The following DNAH2 variants were observed in gnomAD, a reference collection of about 807,000 sequenced individuals.
The protein encoded by DNAH2 is dynein axonemal heavy chain 2, also known as axonemal beta dynein heavy chain 2.
Under a neutral mutation model 523.5 loss-of-function variants are expected in DNAH2, and 323 were observed. The ratio of observed to expected loss-of-function variants is 0.62; its 90% CI spans 0.56 to 0.68. The LOEUF is 0.68. Among genes scored for constraint, DNAH2 ranks in the 30% least tolerant of loss-of-function variants. The probability of loss-of-function intolerance (pLI) is 0.00; values close to 1 mark genes in which losing one functional copy is unlikely to be tolerated. For synonymous variants in DNAH2, 2,093 were observed against 2,177.4 expected (o/e 0.96, Z 1.08); for missense variants, 4,907 against 5,701.5 (o/e 0.86, Z 4.49).
chr17:7,755,074 G>A, intron 12 of DNAH2: 1 of 250,308 alleles, frequency 4.0e-6, no homozygotes, highest in African/African-American at 2.2e-5. Context: ...AAACAGGTAA[G>A]TGCATACGTT....
chr17:7,766,366 C>T lies in DNAH2; in HGVS notation c.3560C>T (p.Thr1187Ile). Residue 1187 changes from threonine to isoleucine, a missense_variant, in exon 22 of 86, where the codon ACA (threonine) becomes ATA (isoleucine). Around this residue, in one of 3 missense-constraint regions of DNAH2, gnomAD observed 2,806 missense variants for 3,190.8 expected, o/e 0.88. Coordinates refer to ENST00000572933, the MANE Select transcript of DNAH2 (RefSeq NM_020877.5). ...VGYMSALDQI[T>I]QVRAMLMAMR... The stretch of plus-strand genomic sequence containing the variant: ...TACATGTCTGCCTTAGACCAGATTA[C>T]ACAAGTGCGGGCCATGCTGATGGCC... 6.2e-7 allele frequency: 1 copy of T among 1,614,084 alleles called. No homozygotes were observed. Among genetic ancestry groups the T allele is most frequent in the South Asian group, 1.1e-5 (1 of 91,076 alleles).
Position 7,819,366 on chromosome 17 carries a change from G to GC in DNAH2, c.10974dup (p.Ile3659HisfsTer2). On this transcript the variant is annotated frameshift_variant, in exon 72 of 86. Coordinates refer to ENST00000572933, the MANE Select transcript of DNAH2 (RefSeq NM_020877.5). LOFTEE classifies it high-confidence loss of function. The stretch of plus-strand genomic sequence containing the variant: ...CACCGCAGCAATAAGCTGGAGGACC[G>GC]CATTGACTACCTGAATGACTACCAC... 1 of 1,614,234 alleles carries GC rather than the reference G, an allele frequency of 6.2e-7. No homozygotes were observed. The highest frequency in any genetic ancestry group is 2.2e-5 in the East Asian group (1 of 44,884).
chr17:7,781,297 A>T, intron 39 of DNAH2, 130 bp downstream of exon 39: 2 of 1,049,146 alleles, frequency 1.9e-6, no homozygotes, highest in Non-Finnish European at 2.9e-6. Flanking sequence ...CAACATGGTG[A>T]AACCCTGTAT....
intron 63 of DNAH2, among the ~76,000 whole-genome samples, chr17:7,808,957 C>T (rs1267791794): frequency 1.3e-5 from 2 of 152,130 alleles, no homozygotes; most frequent in East Asian, 1.9e-4. Flanking sequence ...TGTTCCTTAT[C>T]AGTATGTAAA....
chr17:7,743,705 A>C, intron 12 of DNAH2: 1 of 239,204 alleles, frequency 4.2e-6, no homozygotes, highest in African/African-American at 2.3e-5. Flanking sequence ...TGACTAAACC[A>C]GTGATGTCGC....
At chr17:7,725,905 G>A (rs1182409489) in intron 3 of DNAH2, among the ~76,000 whole-genome samples, 2 of 138,694 alleles carry the variant, frequency 1.4e-5, no homozygotes, top group East Asian at 1.9e-4. Context: ...TCTTGACCTG[G>A]AAACTTTAAG....
At chr17:7,719,963 G>A in intron 2 of DNAH2, 63 bp downstream of exon 2, 2 of 1,438,210 alleles carry the variant, frequency 1.4e-6, no homozygotes, top group South Asian at 3.0e-5. Context: ...AGAGGGGCTT[G>A]GAGGCATTTT....
intron 63 of DNAH2, among the ~76,000 whole-genome samples, chr17:7,812,381 G>T (rs1034226619): frequency 1.3e-5 from 2 of 152,102 alleles, no homozygotes; most frequent in African/African-American, 4.8e-5. Flanking sequence ...TCTTTGGGAG[G>T]CAGGGGCCGG....
chr17:7,781,331 C>T (rs2076600235), intron 39 of DNAH2, among the ~76,000 whole-genome samples, 164 bp downstream of exon 39: 1 of 152,034 alleles, frequency 6.6e-6, no homozygotes, highest in Non-Finnish European at 1.5e-5. Context: ...AAAAATTAGC[C>T]AGGCATGGTG....
intron 27 of DNAH2, 98 bp from the exon 28 acceptor site, chr17:7,771,232 A>G: frequency 1.9e-6 from 3 of 1,542,476 alleles, no homozygotes; most frequent in Non-Finnish European, 2.7e-6. Context: ...AGCACTCTGT[A>G]TCTTCTACCC....
chr17:7,771,601 T>TA, intron 28 of DNAH2, 133 bp downstream of exon 28: 2 of 933,456 alleles, frequency 2.1e-6, no homozygotes, highest in East Asian at 5.3e-5. Flanking sequence ...TCACCTCTTC[T>TA]AAGCATTAGA....
At chr17:7,768,418 C>A in intron 24 of DNAH2, 151 bp downstream of exon 24, 1 of 783,872 alleles carries the variant, frequency 1.3e-6, no homozygotes, top group Non-Finnish European at 2.0e-6. Flanking sequence ...CTCTTTTTAA[C>A]ATTTAATTTT....
intron 11 of DNAH2, among the ~76,000 whole-genome samples, chr17:7,742,179 C>T (rs967818774): frequency 2.0e-5 from 3 of 151,930 alleles, no homozygotes; most frequent in African/African-American, 7.3e-5. Context: ...CCTGTAATCC[C>T]AGCACTTTGG....
At chr17:7,725,440 A>ATATATATATATATATATATATATATATAT (rs958458949) in intron 3 of DNAH2, among the ~76,000 whole-genome samples, 1 of 130,610 alleles carries the variant, frequency 7.7e-6, no homozygotes, top group Non-Finnish European at 1.6e-5. Flanking sequence ...ATATATATAT[A>ATATATATATATATATATATATATATATAT]TTTTCTTTTT....
intron 21 of DNAH2, among the ~76,000 whole-genome samples, chr17:7,765,863 C>T (rs1206587196): frequency 3.3e-5 from 5 of 152,002 alleles, no homozygotes; most frequent in East Asian, 1.9e-4. Flanking sequence ...CTGCAACCTC[C>T]GCCTCCCAGG....
intron 5 of DNAH2, 104 bp downstream of exon 5, chr17:7,733,419 G>T: frequency 2.0e-6 from 2 of 985,824 alleles, no homozygotes; most frequent in Non-Finnish European, 3.0e-6. Context: ...GGAGGAGGAA[G>T]TATTCAGCAT....
chr17:7,831,333 G>C lies in DNAH2; in HGVS notation c.12459+19G>C, dbSNP rs1362109927. ...AGAGAAGGTAAAAAGAGCCGGGCCTGGGGGAGGGAAAGTGATGAGAAGAGG... is the reference window on the plus strand; with the variant it reads ...AGAGAAGGTAAAAAGAGCCGGGCCTCGGGGAGGGAAAGTGATGAGAAGAGG... On this transcript the variant is annotated intron_variant, in intron 80 of 85. Coordinates refer to ENST00000572933, the MANE Select transcript of DNAH2 (RefSeq NM_020877.5). The surrounding 1 kb of genome is among the most constrained non-coding windows in gnomAD (Gnocchi z 4.2). The C allele has an allele frequency of 3.1e-6, 5 of 1,613,866 alleles. No homozygotes were observed. The highest frequency in any genetic ancestry group is 1.3e-5 in the African/African-American group (1 of 74,908).
At position 7,721,230 on chromosome 17, in the gene DNAH2, G is replaced by C. The variant is rs12150196; in HGVS notation, c.166+1330G>C. Among the ~76,000 whole-genome samples, 87 of 151,968 alleles carry C rather than the reference G, an allele frequency of 5.7e-4. No individual in the cohort carries two copies. In the East Asian group the frequency reaches 0.012, roughly 21 times the overall value. On this transcript the variant is annotated intron_variant, in intron 2 of 85. Transcript: ENST00000572933. ...TCTCAGTTGCCAAGGCTAGAGTGCAGTGGTGCGATCTCAGTTCACTGCAAC... is the reference window on the plus strand; with the variant it reads ...TCTCAGTTGCCAAGGCTAGAGTGCACTGGTGCGATCTCAGTTCACTGCAAC...
intron 5 of DNAH2, 133 bp downstream of exon 5, chr17:7,733,448 A>C (rs1486144802): frequency 1.4e-6 from 1 of 732,462 alleles, no homozygotes; most frequent in Non-Finnish European, 2.2e-6. Context: ...AATTGGTAGA[A>C]TAGGGTACAA....
Sources: allele counts gnomAD v4.1 joint callset (sites outside exome capture counted in the v4.1 genomes callset), GRCh38; gene constraint gnomAD v4.1.1; regional missense constraint gnomAD v4.1.1; non-coding constraint Gnocchi (gnomAD v3.1); transcripts MANE v1.5; gene names NCBI Gene and HGNC (gene_info 2026-07-23, HGNC 2026-07-21).